ITGA6: variants seen among roughly 807,000 people sequenced by gnomAD.
The protein encoded by ITGA6 is integrin subunit alpha 6, also known as integrin alpha-6.
In ITGA6, 63 loss-of-function variants were observed where a neutral mutation model predicts 133.6. The ratio of observed to expected loss-of-function variants is 0.47; its 90% confidence interval spans 0.38 to 0.58. The LOEUF (loss-of-function observed/expected upper bound fraction) is 0.58. Ranked by LOEUF, ITGA6 falls within the 20% of genes least tolerant of loss-of-function variation. The probability of loss-of-function intolerance (pLI) is 0.00; values close to 1 mark genes in which losing one functional copy is unlikely to be tolerated. For synonymous variants in ITGA6, 434 were observed against 482.0 expected (o/e 0.90, Z 1.30); for missense variants, 1,068 against 1,309.4 (o/e 0.82, Z 2.85).
At chr2:172,488,281 G>C in intron 19 of ITGA6, 53 bp downstream of exon 19, 1 of 1,070,236 alleles carries the variant, frequency 9.3e-7, no homozygotes, top group Non-Finnish European at 1.5e-6. Flanking sequence ...CATATACTAG[G>C]TATGGTCTTG....
Position 172,469,334 on chromosome 2 carries a change from C to T in ITGA6, c.597C>T (p.Asp199=). The change falls in exon 4 of 26, where the codon GAC becomes GAT. Residue 199 remains aspartate, a synonymous_variant. Transcript: ENST00000684293. Reference sequence around the variant, plus strand: ...GTGTAGCAGCTACTTTTACTAAAGACTTTCATTACATTGTATTTGGAGCCC... The same window carrying T: ...GTGTAGCAGCTACTTTTACTAAAGATTTTCATTACATTGTATTTGGAGCCC... ...QQGVAATFTK[D]FHYIVFGAPG... is the part of the protein sequence containing the mutation. 1 of 1,613,996 alleles carries T rather than the reference C, an allele frequency of 6.2e-7. No homozygotes were observed. Among genetic ancestry groups the T allele is most frequent in the Non-Finnish European group, 8.5e-7 (1 of 1,179,938 alleles).
At chr2:172,446,908 A>AT (rs1684790539) in intron 1 of ITGA6, among the ~76,000 whole-genome samples, 1 of 151,888 alleles carries the variant, frequency 6.6e-6, no homozygotes, top group Non-Finnish European at 1.5e-5. Flanking sequence ...TTTATTTTTA[A>AT]TTTTTTTGAG....
chr2:172,475,250 C>G, intron 7 of ITGA6, 128 bp downstream of exon 7: 1 of 719,376 alleles, frequency 1.4e-6, no homozygotes, highest in Admixed American at 2.0e-5. Flanking sequence ...GGCGGATCAC[C>G]TGAGGTCGGG....
rs914913238 is a variant in ITGA6 at position 172,476,410 on chromosome 2, T to G, written c.1285T>G (p.Ser429Ala). ...TGTATTTCAGGTTCTCAAGGGTATA[T>G]CACCTTATTTTGGATATTCAATTGC... ...TKPTQVLKGISPYFGYSIAGN... is the reference protein window; with the variant it reads ...TKPTQVLKGIAPYFGYSIAGN... Residue 429 changes from serine to alanine, a missense_variant, in exon 9 of 26, where the codon TCA becomes GCA. This residue lies in a region of ITGA6 where 317 missense variants were observed against 456.9 expected (regional missense o/e 0.69). Transcript: ENST00000684293. The G allele has an allele frequency of 5.0e-6, 8 of 1,599,756 alleles. No homozygotes were observed. The African/African-American group carries it at 1.1e-4, about 21-fold the overall frequency.
rs1553544723 is a variant in ITGA6, at chr2:172,505,811, A to ATATT, written c.*1745_*1748dup. On this transcript the variant is annotated 3_prime_UTR_variant, in exon 26 of 26. Transcript: ENST00000684293. ...ACTTTGGAATTCTTAGTCACAAAATATATTTTGTTTACAAAAATTTCTGTA... is the reference window on the plus strand; with the variant it reads ...ACTTTGGAATTCTTAGTCACAAAATATATTTATTTTGTTTACAAAAATTTCTGTA... 4 of 152,746 alleles carry ATATT rather than the reference A, an allele frequency of 2.6e-5. No individual in the cohort carries two copies. Among genetic ancestry groups the ATATT allele is most frequent in the South Asian group, 2.1e-4 (1 of 4,830 alleles). The allele number at this position is 152,746 out of a possible 1,614,324, so 9.5% of individuals were successfully genotyped here. A position where few individuals can be genotyped will look rare whatever the true frequency, so the allele number is the denominator to read the frequency against.
rs1475089984 is a variant in ITGA6 at position 172,474,095 on chromosome 2, T to A, written c.816T>A (p.Asp272Glu). The A allele has an allele frequency of 6.2e-7, 1 of 1,609,722 alleles. No homozygotes were observed. Among genetic ancestry groups the A allele is most frequent in the Non-Finnish European group, 8.5e-7 (1 of 1,176,398 alleles). ...CAGGGAAAGGTATTGTTTCTAAAGA[T>A]GAGATCACTTTTGTATCTGGTGCTC... Reference protein sequence around the residue: ...LDSGKGIVSKDEITFVSGAPR... With the variant: ...LDSGKGIVSKEEITFVSGAPR... Residue 272 changes from aspartate to glutamate, a missense_variant, in exon 6 of 26, where the codon GAT (aspartate) becomes GAA (glutamate). By Grantham distance (45) the Asp-to-Glu change is conservative. This residue lies in a region of ITGA6 where 317 missense variants were observed against 456.9 expected (regional missense o/e 0.69). Coordinates refer to ENST00000684293, the MANE Select transcript of ITGA6 (RefSeq NM_000210.4).
Position 172,474,065 on chromosome 2 carries a change from G to T in ITGA6, c.786G>T (p.Leu262Phe). 6.2e-7 allele frequency: 1 copy of T among 1,612,350 alleles called. No homozygotes were observed. Among genetic ancestry groups the T allele is most frequent in the Non-Finnish European group, 8.5e-7 (1 of 1,179,438 alleles). Residue 262 changes from leucine (L) to phenylalanine (F), a missense_variant, in exon 6 of 26, where the codon TTG becomes TTT. Physicochemically the swap from Leu to Phe is conservative, Grantham distance 22. This residue lies in a region of ITGA6 where 317 missense variants were observed against 456.9 expected (regional missense o/e 0.69). Coordinates refer to ENST00000684293, the MANE Select transcript of ITGA6 (RefSeq NM_000210.4). Reference sequence around the variant, plus strand: ...ATTTTGTTTTTCTAGGTTTTTCTTTGGACTCAGGGAAAGGTATTGTTTCTA... The same window carrying T: ...ATTTTGTTTTTCTAGGTTTTTCTTTTGACTCAGGGAAAGGTATTGTTTCTA... ...VPANSYLGFS[L>F]DSGKGIVSKD...
intron 1 of ITGA6, among the ~76,000 whole-genome samples, chr2:172,444,961 GGTTTT>G (rs1319987625): frequency 7.1e-6 from 1 of 140,874 alleles, no homozygotes; most frequent in East Asian, 6.4e-4. Flanking sequence ...GATTTCTGTA[GGTTTT>G]GTTTGTTTTG....
intron 4 of ITGA6, among the ~76,000 whole-genome samples, chr2:172,470,006 A>G (rs937971483): frequency 2.5e-4 from 38 of 152,322 alleles, no homozygotes; most frequent in African/African-American, 7.5e-4. Context: ...CTGTGTATGT[A>G]TAGAAAATGC....
chr2:172,452,456 T>G (rs1163868162), intron 1 of ITGA6, among the ~76,000 whole-genome samples: 1 of 152,022 alleles, frequency 6.6e-6, no homozygotes, highest in Non-Finnish European at 1.5e-5. Flanking sequence ...ATAGAGGGGA[T>G]TGGGGGCTGG....
In ITGA6 at chr2:172,491,481, T is replaced by C. The variant is rs1686926896; in HGVS notation, c.2946T>C (p.Thr982=). ...TCATGCGAGCCTTCATTGATGTGAC[T>C]GCTGCTGCCGAAAATATCAGGCTGC... The part of the protein sequence containing the change: ...DILMRAFIDV[T]AAAENIRLPN... Residue 982 remains threonine, a synonymous_variant, in exon 23 of 26, where the codon ACT becomes ACC. Coordinates refer to ENST00000684293, the MANE Select transcript of ITGA6 (RefSeq NM_000210.4). The surrounding 1 kb of genome is among the most constrained non-coding windows in gnomAD (Gnocchi z 4.4). 1.2e-6 allele frequency: 2 copies of C among 1,613,796 alleles called. No individual in the cohort carries two copies. The highest frequency in any genetic ancestry group is 1.7e-6 in the Non-Finnish European group (2 of 1,179,960).
chr2:172,479,587 C>T lies in ITGA6; in HGVS notation c.1389-54C>T. The T allele has an allele frequency of 2.9e-6, 4 of 1,389,414 alleles. No individual in the cohort carries two copies. In the South Asian group the frequency reaches 3.5e-5, roughly 12 times the overall value. The allele number at this position is 1,389,414 out of a possible 1,614,324, so 86.1% of individuals were successfully genotyped here. ...GATGCTCTCTAGTATGTGAATTAGACTCACATTCAAGGTAACAGAGGCTGA... is the reference window on the plus strand; with the variant it reads ...GATGCTCTCTAGTATGTGAATTAGATTCACATTCAAGGTAACAGAGGCTGA... On this transcript the variant is annotated intron_variant, in intron 9 of 25. Coordinates refer to ENST00000684293, the MANE Select transcript of ITGA6 (RefSeq NM_000210.4).
intron 1 of ITGA6, among the ~76,000 whole-genome samples, chr2:172,449,512 T>C (rs1481975408): frequency 6.6e-6 from 1 of 152,152 alleles, no homozygotes; most frequent in Non-Finnish European, 1.5e-5. Flanking sequence ...AACAGCATTC[T>C]AGGGGAGGAA....
chr2:172,501,730 C>T (rs375879718), intron 24 of ITGA6, 42 bp from the exon 25 acceptor site: 7 of 1,602,308 alleles, frequency 4.4e-6, no homozygotes, highest in Non-Finnish European at 6.0e-6. Context: ...GGCTCTTATA[C>T]ACAAAACTGT....
intron 1 of ITGA6, among the ~76,000 whole-genome samples, chr2:172,457,597 C>T (rs372765160): frequency 9.2e-5 from 14 of 151,976 alleles, no homozygotes; most frequent in Non-Finnish European, 1.8e-4. Flanking sequence ...CTTTCATCTG[C>T]GTTCATAAAG....
intron 19 of ITGA6, among the ~76,000 whole-genome samples, chr2:172,489,147 G>C (rs1686814549): frequency 6.6e-6 from 1 of 152,190 alleles, no homozygotes; most frequent in African/African-American, 2.4e-5. Context: ...TGGCCAAGCA[G>C]GGTGGTTACA....
chr2:172,465,055 A>G (rs1296652177), intron 1 of ITGA6: 3 of 190,718 alleles, frequency 1.6e-5, no homozygotes, highest in African/African-American at 4.7e-5. Flanking sequence ...TGAAAATCTA[A>G]GATATAGTCA....
In ITGA6 at chr2:172,489,657, C is replaced by T. The variant is rs781179877; in HGVS notation, c.2678C>T (p.Thr893Met). Residue 893 changes from threonine (T) to methionine (M), a missense_variant and splice_region_variant, in exon 20 of 26, where the codon ACG becomes ATG. This residue lies in a region of ITGA6 where 609 missense variants were observed against 707.2 expected (regional missense o/e 0.86). Transcript: ENST00000684293. ...PQKEINSLNL[T>M]ESHNSRKKRE... ...AAGGAGATAAACTCCCTGAACCTAA[C>T]GGTATGTCGGTAGATTTATCTAATG... 3.2e-5 allele frequency: 51 copies of T among 1,612,242 alleles called. No individual in the cohort carries two copies. The highest frequency in any genetic ancestry group is 5.0e-5 in the Admixed American group (3 of 59,984).
intron 2 of ITGA6, 163 bp downstream of exon 2, chr2:172,465,826 T>A: frequency 1.0e-6 from 1 of 1,000,492 alleles, no homozygotes; most frequent in East Asian, 2.5e-5. Context: ...TTACTTACTT[T>A]ACTTCTGAAT....
Sources: allele counts gnomAD v4.1 joint callset (sites outside exome capture counted in the v4.1 genomes callset), GRCh38; gene constraint gnomAD v4.1.1; regional missense constraint gnomAD v4.1.1; non-coding constraint Gnocchi (gnomAD v3.1); transcripts MANE v1.5; gene names NCBI Gene and HGNC (gene_info 2026-07-23, HGNC 2026-07-21).